The following TRIM6 variants were observed in gnomAD, a reference collection of about 807,000 sequenced individuals.
The protein encoded by TRIM6 is tripartite motif containing 6.
Under a neutral mutation model 51.2 loss-of-function variants are expected in TRIM6, and 43 were observed. That is an observed-to-expected ratio of 0.84 (90% CI 0.66 to 1.08). The LOEUF (loss-of-function observed/expected upper bound fraction) is 1.08, where lower values mean the gene tolerates loss of function less well. TRIM6 is among the 50% of genes least tolerant of loss of function. The probability of loss-of-function intolerance (pLI) is 0.00; values close to 1 mark genes in which losing one functional copy is unlikely to be tolerated. For missense variants in TRIM6, 669 were observed against 619.0 expected, an observed-to-expected ratio of 1.08 and a Z score of -0.86; for synonymous variants, 215 against 232.4, an observed-to-expected ratio of 0.93 and a Z score of 0.68.
intron 3 of TRIM6, 106 bp downstream of exon 3, chr11:5,604,735 T>A: frequency 2.5e-6 from 3 of 1,207,982 alleles, no homozygotes; most frequent in Non-Finnish European, 2.3e-6. Flanking sequence ...ATGCCATGAC[T>A]AGAAGAGCTT....
At chr11:5,600,220 C>A (rs1300285997) in intron 1 of TRIM6, among the ~76,000 whole-genome samples, 1 of 152,116 alleles carries the variant, frequency 6.6e-6, no homozygotes, top group Admixed American at 6.5e-5. Context: ...CAACACCGGC[C>A]CCGCCACTTG....
chr11:5,596,823 C>G lies in TRIM6; in HGVS notation c.-75C>G. The G allele has an allele frequency of 6.2e-7, 1 of 1,611,580 alleles. No individual in the cohort carries two copies. The highest frequency in any genetic ancestry group is 8.5e-7 in the Non-Finnish European group (1 of 1,178,430). ...TGTTCCTTAAGATTAGTTTAAGGTG[C>G]CTTGGATTGCTCTGAAGAGCTTTGA... is the stretch of plus-strand genomic sequence containing the variant. On this transcript the variant is annotated 5_prime_UTR_variant, in exon 1 of 8. Coordinates refer to ENST00000380097, the MANE Select transcript of TRIM6 (RefSeq NM_001003818.3).
chr11:5,602,825 G>C (rs1028411935), intron 1 of TRIM6, among the ~76,000 whole-genome samples: 2 of 151,682 alleles, frequency 1.3e-5, no homozygotes, highest in Non-Finnish European at 2.9e-5. Flanking sequence ...GTTGTGGCAC[G>C]TGCCTGTAAT....
At chr11:5,606,632 C>T (rs1435754212) in intron 4 of TRIM6, among the ~76,000 whole-genome samples, 1 of 152,024 alleles carries the variant, frequency 6.6e-6, no homozygotes, top group African/African-American at 2.4e-5. Flanking sequence ...ATTCTTCTTG[C>T]CTTTTTGTCC....
rs768273597 is a variant in TRIM6 at position 5,610,932 on chromosome 11, G to A, written c.1141G>A (p.Gly381Ser). Residue 381 changes from glycine to serine, a missense_variant, in exon 8 of 8, where the codon GGT (glycine) becomes AGT (serine). Physicochemically the swap from Gly to Ser is moderately conservative, Grantham distance 56. Coordinates refer to ENST00000380097, the MANE Select transcript of TRIM6 (RefSeq NM_001003818.3). ...SVLGSQHFSS[G>S]KHYWEVDVAK... ...CCTGGGCTCCCAGCACTTCTCCTCT[G>A]GTAAGCATTACTGGGAGGTAGATGT... The A allele has an allele frequency of 2.3e-5, 37 of 1,614,024 alleles. No homozygotes were observed. Among genetic ancestry groups the A allele is most frequent in the Non-Finnish European group, 3.1e-5 (37 of 1,180,040 alleles).
At chr11:5,602,375 G>A (rs187110392) in intron 1 of TRIM6, among the ~76,000 whole-genome samples, 2 of 151,778 alleles carry the variant, frequency 1.3e-5, no homozygotes, top group East Asian at 2.0e-4. Flanking sequence ...CCCAGGAGGC[G>A]GAGCTTGCAG....
intron 5 of TRIM6, 85 bp downstream of exon 5, chr11:5,608,479 T>A: frequency 1.3e-6 from 2 of 1,588,080 alleles, no homozygotes; most frequent in Non-Finnish European, 1.7e-6. Flanking sequence ...GGAAGAAGAA[T>A]CAGAGTGGGG....
intron 5 of TRIM6, among the ~76,000 whole-genome samples, chr11:5,609,142 C>G (rs1000474907): frequency 6.6e-6 from 1 of 152,092 alleles, no homozygotes; most frequent in Non-Finnish European, 1.5e-5. Flanking sequence ...TGTTCTCTAT[C>G]ACATACTCCA....
chr11:5,608,328 A>G, intron 4 of TRIM6, 44 bp from the exon 5 acceptor site: 1 of 1,607,304 alleles, frequency 6.2e-7, no homozygotes, highest in Non-Finnish European at 8.5e-7. Context: ...GGATAAGGGC[A>G]TGACCTGTTA....
Position 5,611,652 on chromosome 11 carries a change from C to G in TRIM6, c.*310C>G. On this transcript the variant is annotated 3_prime_UTR_variant, in exon 8 of 8. Coordinates refer to ENST00000380097, the MANE Select transcript of TRIM6 (RefSeq NM_001003818.3). ...TATTTTTATAGAGATAGGGTTTCACCGTGTTGGCCAGGCTGATCTCGAACT... is the reference window on the plus strand; with the variant it reads ...TATTTTTATAGAGATAGGGTTTCACGGTGTTGGCCAGGCTGATCTCGAACT... 1 of 268,276 alleles carries G rather than the reference C, an allele frequency of 3.7e-6. No individual in the cohort carries two copies. Among genetic ancestry groups the G allele is most frequent in the East Asian group, 8.7e-5 (1 of 11,504 alleles). The allele number at this position is 268,276 out of a possible 1,614,324, so 16.6% of individuals were successfully genotyped here.
At chr11:5,606,548 G>A (rs1848222961) in intron 4 of TRIM6, among the ~76,000 whole-genome samples, 1 of 152,026 alleles carries the variant, frequency 6.6e-6, no homozygotes, top group Admixed American at 6.6e-5. Context: ...CTTAGTATTA[G>A]AGCCATGGGT....
Position 5,610,519 on chromosome 11 carries a change from C to G in TRIM6, c.959-16C>G. 6.2e-7 allele frequency: 1 copy of G among 1,614,156 alleles called. No individual in the cohort carries two copies. The highest frequency in any genetic ancestry group is 1.3e-5 in the African/African-American group (1 of 75,048). On this transcript the variant is annotated splice_polypyrimidine_tract_variant and intron_variant, in intron 6 of 7. Coordinates refer to ENST00000380097, the MANE Select transcript of TRIM6 (RefSeq NM_001003818.3). ...TTGGTCCTATTCAACATTATTGACT[C>G]TTTTCATCATTACAGAGCTGACAGA... is the stretch of plus-strand genomic sequence containing the variant.
rs3740999 is a variant in TRIM6, at chr11:5,610,249, A to T, written c.958+4A>T. On this transcript the variant is annotated splice_donor_region_variant and intron_variant, in intron 6 of 7. Transcript: ENST00000380097. The stretch of plus-strand genomic sequence containing the variant: ...AGGATGCTGCGAGTGTGTAGAGGTA[A>T]GGAGATTCAGGGGAAAGAGTTTGGA... 8 of 1,613,748 alleles carry T rather than the reference A, an allele frequency of 5.0e-6. No homozygotes were observed. Among genetic ancestry groups the T allele is most frequent in the South Asian group, 1.1e-5 (1 of 91,074 alleles).
chr11:5,600,778 T>C (rs1200312828), intron 1 of TRIM6, among the ~76,000 whole-genome samples: 1 of 152,168 alleles, frequency 6.6e-6, no homozygotes, highest in African/African-American at 2.4e-5. Context: ...CCCTACGCAC[T>C]GTGGCCTGTT....
intron 7 of TRIM6, 43 bp downstream of exon 7, chr11:5,610,604 C>T (rs368085135): frequency 1.2e-5 from 20 of 1,600,156 alleles, no homozygotes; most frequent in Non-Finnish European, 1.5e-5. Flanking sequence ...ACATTCTGAT[C>T]TCCTTTCACA....
rs1324065340 is a variant in TRIM6 at position 5,596,929 on chromosome 11, C to T, written c.17+15C>T. 2.5e-6 allele frequency: 4 copies of T among 1,614,084 alleles called. No individual in the cohort carries two copies. Among genetic ancestry groups the T allele is most frequent in the Non-Finnish European group, 3.4e-6 (4 of 1,179,984 alleles). Reference sequence around the variant, plus strand: ...GGGTCAGAGAGGTATGTCTACCGTTCTGTTGACTGGCTCTTATTGTCACTT... The same window carrying T: ...GGGTCAGAGAGGTATGTCTACCGTTTTGTTGACTGGCTCTTATTGTCACTT... On this transcript the variant is annotated intron_variant, in intron 1 of 7. Coordinates refer to ENST00000380097, the MANE Select transcript of TRIM6 (RefSeq NM_001003818.3).
At chr11:5,596,497 TCCCCCCTTCCCCCGTTCTCCCCTTC>T (rs1564858592), upstream of TRIM6, among the ~76,000 whole-genome samples, 9 of 98,032 alleles carry the variant, frequency 9.2e-5, no homozygotes, top group African/African-American at 3.0e-4. Context: ...CAGCATCCCT[TCCCCCCTTCCCCCGTTCTCCCCTTC>T]CCCCCTTCCC....
intron 6 of TRIM6, 33 bp from the exon 7 acceptor site, chr11:5,610,502 A>T: frequency 3.1e-6 from 5 of 1,614,036 alleles, no homozygotes; most frequent in Non-Finnish European, 4.2e-6. Context: ...AGTTGGTCCT[A>T]TTCAACATTA....
chr11:5,597,113 C>A (rs543156206), intron 1 of TRIM6, among the ~76,000 whole-genome samples, 199 bp downstream of exon 1: 1 of 152,244 alleles, frequency 6.6e-6, no homozygotes, highest in South Asian at 2.1e-4. Context: ...TGGTTAGGAG[C>A]ATAGATGCCG....
Sources: allele counts gnomAD v4.1 joint callset (sites outside exome capture counted in the v4.1 genomes callset), GRCh38; gene constraint gnomAD v4.1.1; transcripts MANE v1.5; gene names NCBI Gene and HGNC (gene_info 2026-07-23, HGNC 2026-07-21).